Variants in ERC2 observed in about 807,000 individuals in gnomAD.
The protein encoded by ERC2 is ELKS/RAB6-interacting/CAST family member 2, also known as ERC protein 2.
A neutral mutation model predicts 114.8 loss-of-function variants in ERC2; 42 were observed. The ratio of observed to expected loss-of-function variants is 0.37; its 90% confidence interval spans 0.29 to 0.47. The LOEUF is 0.47. Among genes scored for constraint, ERC2 ranks in the 20% least tolerant of loss-of-function variants. ERC2 has a pLI of 0.99. For synonymous variants in ERC2, 454 were observed against 425.5 expected (o/e 1.07, Z -0.82); for missense variants, 939 against 1,150.7 (o/e 0.82, Z 2.66).
rs545737761 is a variant in ERC2 at position 56,090,218 on chromosome 3, C to G, written c.1474-9234G>C. Among the ~76,000 whole-genome samples the G allele has an allele frequency of 3.3e-5, 5 of 152,326 alleles. No individual in the cohort carries two copies. In the South Asian group the frequency reaches 1.0e-3, roughly 32 times the overall value. On this transcript the variant is annotated intron_variant, in intron 6 of 17. Coordinates refer to ENST00000288221, the MANE Select transcript of ERC2 (RefSeq NM_015576.3). ...CCTTCAGCAGCTGCATCATCAAAAA[C>G]TGGCTCTACGGATGAGGGTGTGCCC...
At chr3:56,021,628 C>T (rs370324917) in intron 7 of ERC2, among the ~76,000 whole-genome samples, 195 of 151,994 alleles carry the variant, frequency 1.3e-3, no homozygotes, top group African/African-American at 4.6e-3. Context: ...CATAAATAAA[C>T]ACGTGTCAAG....
chr3:55,992,343 GAGA>G, intron 10 of ERC2, 93 bp from the exon 11 acceptor site: 2 of 1,153,034 alleles, frequency 1.7e-6, no homozygotes, highest in Non-Finnish European at 2.4e-6. Context: ...TAACTTTGGA[GAGA>G]AAATCACCAC....
chr3:56,185,862 G>A (rs1220758216), intron 3 of ERC2, among the ~76,000 whole-genome samples: 1 of 152,038 alleles, frequency 6.6e-6, no homozygotes, highest in East Asian at 1.9e-4. Context: ...TTCTCTGGCT[G>A]GAGGCAGAGA....
At chr3:56,354,221 T>C (rs565186309) in intron 2 of ERC2, among the ~76,000 whole-genome samples, 10 of 152,376 alleles carry the variant, frequency 6.6e-5, no homozygotes, top group Non-Finnish European at 1.3e-4. Context: ...TGTATGTACA[T>C]GTGCAAGCAT....
At chr3:55,951,910 A>AC (rs1380893831) in intron 12 of ERC2, among the ~76,000 whole-genome samples, 1 of 151,578 alleles carries the variant, frequency 6.6e-6, no homozygotes, top group African/African-American at 2.4e-5. Context: ...TAAATTATGT[A>AC]CCCCCCTACT....
At chr3:56,008,232 T>C (rs1214860016) in intron 9 of ERC2, among the ~76,000 whole-genome samples, 5 of 152,098 alleles carry the variant, frequency 3.3e-5, no homozygotes, top group African/African-American at 1.2e-4. Context: ...GGCTAATAAT[T>C]TACACTGGGT....
chr3:55,715,387 C>T (rs1399602472), intron 15 of ERC2, among the ~76,000 whole-genome samples: 1 of 152,070 alleles, frequency 6.6e-6, no homozygotes, highest in Non-Finnish European at 1.5e-5. Context: ...TAGTATAGCT[C>T]TAAGTTCAGA....
intron 14 of ERC2, among the ~76,000 whole-genome samples, chr3:55,856,497 AT>A (rs11320880): frequency 0.095 from 14,531 of 152,208 alleles, 848 homozygotes; most frequent in South Asian, 0.16. Context: ...ACTACAGACA[AT>A]GAAAAAATAA....
intron 4 of ERC2, among the ~76,000 whole-genome samples, chr3:56,169,288 C>T (rs1224547023): frequency 6.6e-6 from 1 of 152,188 alleles, no homozygotes; most frequent in Non-Finnish European, 1.5e-5. Flanking sequence ...TTCTGCTATA[C>T]TAGCAAAATG....
chr3:56,066,169 T>C (rs1273863947), intron 7 of ERC2, among the ~76,000 whole-genome samples: 2 of 152,256 alleles, frequency 1.3e-5, no homozygotes, highest in Non-Finnish European at 2.9e-5. Context: ...ATCAACACTG[T>C]AAAAGCATTC....
chr3:55,930,265 A>G (rs1012326188), intron 13 of ERC2, among the ~76,000 whole-genome samples: 13 of 152,122 alleles, frequency 8.5e-5, no homozygotes, highest in Non-Finnish European at 7.4e-5. Context: ...AAATAAATAA[A>G]TAAATAACCC....
At chr3:55,907,746 T>G (rs1345401851) in intron 13 of ERC2, among the ~76,000 whole-genome samples, 2 of 152,232 alleles carry the variant, frequency 1.3e-5, no homozygotes, top group African/African-American at 4.8e-5. Flanking sequence ...CTCTCTGGGC[T>G]TCTGCATTTG....
At chr3:55,687,662 C>T (rs372529774) in intron 16 of ERC2, among the ~76,000 whole-genome samples, 30 of 152,272 alleles carry the variant, frequency 2.0e-4, no homozygotes, top group African/African-American at 6.5e-4. Flanking sequence ...TTCAGACTCG[C>T]CTCCACCCCT....
chr3:55,767,263 T>C (rs1413230024), intron 14 of ERC2, among the ~76,000 whole-genome samples: 4 of 152,198 alleles, frequency 2.6e-5, no homozygotes, highest in African/African-American at 9.7e-5. Context: ...CTCAGCGGGC[T>C]TAGGTTTTTG....
intron 12 of ERC2, among the ~76,000 whole-genome samples, chr3:55,981,225 A>T (rs1056221494): frequency 2.0e-5 from 3 of 152,196 alleles, no homozygotes; most frequent in Non-Finnish European, 4.4e-5. Context: ...TTTGCACCTA[A>T]AGCAAAATCA....
intron 17 of ERC2, among the ~76,000 whole-genome samples, chr3:55,615,237 T>C (rs1046771350): frequency 1.3e-5 from 2 of 152,058 alleles, no homozygotes; most frequent in Non-Finnish European, 2.9e-5. Flanking sequence ...GTATTAAGAG[T>C]TAAAAAATAA....
intron 5 of ERC2, among the ~76,000 whole-genome samples, chr3:56,140,165 A>G (rs911066646): frequency 1.3e-5 from 2 of 152,212 alleles, no homozygotes; most frequent in African/African-American, 4.8e-5. Context: ...AATATTGAGA[A>G]GATACAAAAA....
At chr3:55,902,077 A>G in intron 13 of ERC2, among the ~76,000 whole-genome samples, 1 of 152,206 alleles carries the variant, frequency 6.6e-6, no homozygotes. Context: ...TAACCCATAG[A>G]TACCACCAGC....
intron 2 of ERC2, among the ~76,000 whole-genome samples, chr3:56,400,304 G>C (rs2060473154): frequency 6.6e-6 from 1 of 152,110 alleles, no homozygotes; most frequent in South Asian, 2.1e-4. Context: ...AAGGAAAGGT[G>C]ATGGTTATGG....
Sources: allele counts gnomAD v4.1 joint callset (sites outside exome capture counted in the v4.1 genomes callset), GRCh38; gene constraint gnomAD v4.1.1; transcripts MANE v1.5; gene names NCBI Gene and HGNC (gene_info 2026-07-23, HGNC 2026-07-21).